Variants in TRHDE observed in about 807,000 individuals in gnomAD.
TRHDE encodes the protein thyrotropin releasing hormone degrading enzyme.
Under a neutral mutation model 125.7 loss-of-function variants are expected in TRHDE, and 72 were observed. That is an observed-to-expected ratio of 0.57 (90% CI 0.47 to 0.70). The LOEUF (loss-of-function observed/expected upper bound fraction) is 0.70, where lower values mean the gene tolerates loss of function less well. Among genes scored for constraint, TRHDE ranks in the 30% least tolerant of loss-of-function variants. The pLI, the probability that TRHDE is intolerant of heterozygous loss-of-function variation, is 0.00. For missense variants in TRHDE, 1,110 were observed against 1,327.1 expected (o/e 0.84, Z 2.54); for synonymous variants, 509 against 509.1 (o/e 1.00, Z 0.00).
intron 2 of TRHDE, among the ~76,000 whole-genome samples, chr12:72,329,303 A>C (rs1869476136): frequency 6.6e-6 from 1 of 152,256 alleles, no homozygotes. Context: ...TAGGTAAACC[A>C]GTCCTTAAAA....
intron 2 of TRHDE, among the ~76,000 whole-genome samples, chr12:72,333,215 G>A (rs1256593833): frequency 6.6e-6 from 1 of 152,180 alleles, no homozygotes; most frequent in Non-Finnish European, 1.5e-5. Context: ...AAGACTGACA[G>A]ATTGGTTAAA....
intron 2 of TRHDE, among the ~76,000 whole-genome samples, chr12:72,221,327 T>G (rs1431735696): frequency 2.0e-5 from 3 of 152,076 alleles, no homozygotes; most frequent in Non-Finnish European, 2.9e-5. Context: ...CAAGAGTTAT[T>G]GAATATCATG....
At chr12:72,208,443 T>G (rs1197464150) in intron 2 of TRHDE, among the ~76,000 whole-genome samples, 1 of 152,084 alleles carries the variant, frequency 6.6e-6, no homozygotes, top group Non-Finnish European at 1.5e-5. Context: ...ACAGGTTAGA[T>G]AGGGAAATGA....
chr12:72,442,409 C>T (rs1875059185), intron 3 of TRHDE, among the ~76,000 whole-genome samples: 1 of 151,920 alleles, frequency 6.6e-6, no homozygotes, highest in Non-Finnish European at 1.5e-5. Flanking sequence ...CCTGAGCCTA[C>T]AGCAGTCTGG....
At chr12:72,134,788 G>T (rs994148095) in intron 2 of TRHDE, among the ~76,000 whole-genome samples, 4 of 152,070 alleles carry the variant, frequency 2.6e-5, no homozygotes, top group African/African-American at 9.7e-5. Context: ...TGGGGGCTGG[G>T]TGCAGAGGAG....
At chr12:72,113,800 G>T (rs2367869) in intron 2 of TRHDE, among the ~76,000 whole-genome samples, 109,771 of 151,848 alleles carry the variant, frequency 0.72, 40,632 homozygotes, top group Non-Finnish European at 0.8. Flanking sequence ...TGATATTATG[G>T]TATTGGGAAG....
intron 3 of TRHDE, among the ~76,000 whole-genome samples, chr12:72,405,212 A>G (rs542043681): frequency 1.3e-5 from 2 of 152,348 alleles, no homozygotes; most frequent in South Asian, 4.1e-4. Context: ...CACTATCCCA[A>G]GACATCGTAA....
At chr12:72,238,125 G>A (rs999102419) in intron 2 of TRHDE, among the ~76,000 whole-genome samples, 1 of 151,224 alleles carries the variant, frequency 6.6e-6, no homozygotes, top group Non-Finnish European at 1.5e-5. Flanking sequence ...CTTGACTTGT[G>A]TTTGAAAAGG....
intron 3 of TRHDE, among the ~76,000 whole-genome samples, chr12:72,455,213 T>C (rs565147052): frequency 4.6e-5 from 7 of 152,302 alleles, no homozygotes; most frequent in African/African-American, 1.7e-4. Context: ...ATTTTATCAA[T>C]AGATAATCAC....
chr12:72,217,423 A>G (rs1877915240), intron 2 of TRHDE, among the ~76,000 whole-genome samples: 1 of 152,184 alleles, frequency 6.6e-6, no homozygotes, highest in African/African-American at 2.4e-5. Flanking sequence ...CAGCTTCTTA[A>G]AAAGCCAAAG....
chr12:72,188,134 A>G (rs1877265251), intron 2 of TRHDE, among the ~76,000 whole-genome samples: 1 of 152,232 alleles, frequency 6.6e-6, no homozygotes, highest in Admixed American at 6.5e-5. Flanking sequence ...CAGCAATGAC[A>G]TATATTGTTG....
At chr12:72,255,122 T>C (rs188903904) in intron 2 of TRHDE, 7 of 152,332 alleles carry the variant, frequency 4.6e-5, no homozygotes, top group Admixed American at 2.6e-4. Flanking sequence ...CTATTTGCAA[T>C]ACTGACAGAA....
chr12:72,369,598 A>G lies in TRHDE; in HGVS notation c.1189-8397A>G, dbSNP rs147237470. On this transcript the variant is annotated intron_variant, in intron 2 of 18. Coordinates refer to ENST00000261180, the MANE Select transcript of TRHDE (RefSeq NM_013381.3). ...ACCTCTCAGACGTAATATAATAAAT[A>G]GATAATGATAAACTATAGCCCCCAG... Among the ~76,000 whole-genome samples the G allele has an allele frequency of 3.9e-3, 596 of 152,310 alleles. 4 individuals carry two copies. The highest frequency in any genetic ancestry group is 7.2e-3 in the Non-Finnish European group (488 of 68,022).
chr12:72,317,462 A>G (rs2135706276), intron 2 of TRHDE, among the ~76,000 whole-genome samples: 1 of 152,284 alleles, frequency 6.6e-6, no homozygotes, highest in Admixed American at 6.5e-5. Flanking sequence ...GTCCAAGATA[A>G]AGGCACTGGT....
chr12:72,409,949 A>G (rs892342101), intron 3 of TRHDE, among the ~76,000 whole-genome samples: 3 of 152,108 alleles, frequency 2.0e-5, no homozygotes, highest in African/African-American at 7.2e-5. Context: ...TTAAAATACT[A>G]TAAAACTATC....
intron 5 of TRHDE, among the ~76,000 whole-genome samples, chr12:72,496,921 T>C (rs1373310008): frequency 6.6e-6 from 1 of 152,134 alleles, no homozygotes; most frequent in Non-Finnish European, 1.5e-5. Context: ...CCTTCTCTGC[T>C]GGAAACTCTT....
chr12:72,627,695 T>A (rs1425916097), intron 15 of TRHDE, among the ~76,000 whole-genome samples: 1 of 151,868 alleles, frequency 6.6e-6, no homozygotes, highest in East Asian at 1.9e-4. Flanking sequence ...TTGACTTTCT[T>A]TTTTTAAAAA....
At chr12:72,357,155 A>C (rs1467546355) in intron 2 of TRHDE, among the ~76,000 whole-genome samples, 2 of 151,592 alleles carry the variant, frequency 1.3e-5, no homozygotes, top group Non-Finnish European at 3.0e-5. Context: ...AACTACCAAC[A>C]GCATTCTTCA....
intron 1 of TRHDE, among the ~76,000 whole-genome samples, chr12:72,094,462 T>C (rs892631138): frequency 6.6e-6 from 1 of 152,178 alleles, no homozygotes; most frequent in Admixed American, 6.5e-5. Flanking sequence ...CTGAGAGGGC[T>C]TAAGCTGAAT....
Sources: gnomAD v4.1 joint callset for allele counts (sites outside exome capture counted in the v4.1 genomes callset) on GRCh38, gnomAD v4.1.1 for gene constraint, MANE v1.5 for transcripts, NCBI Gene and HGNC (gene_info 2026-07-23, HGNC 2026-07-21) for gene names.